The following CHD9 variants were observed in gnomAD, a reference collection of about 807,000 sequenced individuals.
CHD9 encodes chromodomain helicase DNA binding protein 9, also known as ATP-dependent chromatin remodeler CHD9.
A neutral mutation model predicts 316.1 loss-of-function variants in CHD9; 77 were observed. The observed-to-expected ratio is 0.24, with a 90% CI of 0.20 to 0.29. The LOEUF (loss-of-function observed/expected upper bound fraction) is 0.29. CHD9 is among the 10% of genes least tolerant of loss of function. The pLI is 1.00. For missense variants in CHD9, 2,763 were observed against 3,438.1 expected (o/e 0.80, Z 4.91); for synonymous variants, 1,129 against 1,158.3 (o/e 0.97, Z 0.51).
At chr16:53,188,510 G>A (rs1342225411) in intron 2 of CHD9, among the ~76,000 whole-genome samples, 1 of 147,924 alleles carries the variant, frequency 6.8e-6, no homozygotes, top group Non-Finnish European at 1.5e-5. Flanking sequence ...TAGCCATCTT[G>A]GTATAAAGTA....
Position 53,204,884 on chromosome 16 carries a change from CCCAGGCT to C in CHD9, c.1453-4597_1453-4591del, listed in dbSNP as rs1436428342. ...TTTGAGACAGAGTTTCGCTCTGTTG[CCCAGGCT>C]AGAGTACGGTGGCATGATCTCAGCT... On this transcript the variant is annotated intron_variant, in intron 2 of 38. Coordinates refer to ENST00000447540, the MANE Select transcript of CHD9 (RefSeq NM_001308319.2). Among the ~76,000 whole-genome samples the C allele has an allele frequency of 1.8e-3, 276 of 152,192 alleles. 2 individuals carry two copies. Among genetic ancestry groups the C allele is most frequent in the African/African-American group, 6.3e-3 (261 of 41,528 alleles).
chr16:53,110,273 G>A (rs997315295), intron 1 of CHD9, among the ~76,000 whole-genome samples: 1 of 152,094 alleles, frequency 6.6e-6, no homozygotes, highest in Non-Finnish European at 1.5e-5. Context: ...AGTTTCAAAC[G>A]ATGAGGTGAA....
chr16:53,277,037 C>T (rs2052910122), intron 24 of CHD9, among the ~76,000 whole-genome samples: 1 of 152,034 alleles, frequency 6.6e-6, no homozygotes, highest in Non-Finnish European at 1.5e-5. Context: ...AAAGATACAA[C>T]CATCCTAGCT....
intron 2 of CHD9, among the ~76,000 whole-genome samples, chr16:53,175,842 TCTA>T (rs138313139): frequency 2.1e-3 from 327 of 152,320 alleles, no homozygotes; most frequent in African/African-American, 7.5e-3. Flanking sequence ...GATCTTATCA[TCTA>T]CTGTTTTTAC....
At chr16:53,288,262 T>C (rs1157967184) in intron 27 of CHD9, among the ~76,000 whole-genome samples, 1 of 152,212 alleles carries the variant, frequency 6.6e-6, no homozygotes, top group Non-Finnish European at 1.5e-5. Flanking sequence ...CTTGCCCACC[T>C]GCTCTACTTC....
intron 1 of CHD9, among the ~76,000 whole-genome samples, chr16:53,091,873 C>T (rs1040066373): frequency 2.6e-5 from 4 of 152,096 alleles, no homozygotes; most frequent in African/African-American, 9.7e-5. Flanking sequence ...TTCAGACCTC[C>T]TTTCCTTCTT....
chr16:53,242,693 A>G lies in CHD9; in HGVS notation c.2878-147A>G, dbSNP rs539147692. The stretch of plus-strand genomic sequence containing the variant: ...GGCAATATAATACAGTTTCAATGAT[A>G]AAAGTTTTCATTGTAAGGGAGTGTC... On this transcript the variant is annotated intron_variant, in intron 12 of 38. Coordinates refer to ENST00000447540, the MANE Select transcript of CHD9 (RefSeq NM_001308319.2). The G allele has an allele frequency of 1.8e-4, 119 of 650,224 alleles. 1 individual carries two copies. In the South Asian group the frequency reaches 2.4e-3, roughly 13 times the overall value. The allele number at this position is 650,224 out of a possible 1,614,324, so 40.3% of individuals were successfully genotyped here.
intron 2 of CHD9, among the ~76,000 whole-genome samples, chr16:53,191,663 A>G (rs981890014): frequency 1.3e-5 from 2 of 152,154 alleles, no homozygotes; most frequent in African/African-American, 4.8e-5. Context: ...CAATTTACTC[A>G]TATGCCTCTT....
chr16:53,239,255 A>T (rs1270791299), intron 12 of CHD9, among the ~76,000 whole-genome samples: 1 of 151,980 alleles, frequency 6.6e-6, no homozygotes, highest in Non-Finnish European at 1.5e-5. Context: ...AAATAAAGAG[A>T]TGACACCTTA....
intron 1 of CHD9, among the ~76,000 whole-genome samples, chr16:53,055,341 C>T (rs2031931589): frequency 6.6e-6 from 1 of 152,232 alleles, no homozygotes. Context: ...AGCCGGGCGT[C>T]CTCGAAGCGG....
chr16:53,121,376 A>T (rs1240708648), intron 1 of CHD9: 1 of 456,082 alleles, frequency 2.2e-6, no homozygotes, highest in Admixed American at 2.3e-5. Flanking sequence ...ATGCTCGGGG[A>T]TATTTTATCA....
chr16:53,155,479 T>C (rs1321333455), intron 1 of CHD9, among the ~76,000 whole-genome samples: 1 of 152,184 alleles, frequency 6.6e-6, no homozygotes, highest in Non-Finnish European at 1.5e-5. Context: ...AACAGAAAAT[T>C]AGAAGTTTCA....
intron 1 of CHD9, among the ~76,000 whole-genome samples, chr16:53,129,330 C>A (rs955551399): frequency 6.6e-6 from 1 of 152,196 alleles, no homozygotes; most frequent in Admixed American, 6.5e-5. Context: ...AAAGCACTAT[C>A]CAAATAAGTG....
At chr16:53,060,840 C>G (rs553616879) in intron 1 of CHD9, among the ~76,000 whole-genome samples, 1 of 151,672 alleles carries the variant, frequency 6.6e-6, no homozygotes, top group African/African-American at 2.4e-5. Context: ...AGGATCACTT[C>G]AGACCAGGAG....
chr16:53,157,651 C>T, intron 2 of CHD9, 110 bp downstream of exon 2: 1 of 1,030,922 alleles, frequency 9.7e-7, no homozygotes. Context: ...TTGGTAATTC[C>T]ATTAAGTGAA....
At chr16:53,233,721 CACAA>C (rs2048378934) in intron 10 of CHD9, among the ~76,000 whole-genome samples, 1 of 152,074 alleles carries the variant, frequency 6.6e-6, no homozygotes, top group Admixed American at 6.6e-5. Flanking sequence ...AATATTGGCA[CACAA>C]ACAAGCAGCA....
At chr16:53,280,709 G>T (rs1356808254) in intron 24 of CHD9, among the ~76,000 whole-genome samples, 4 of 151,556 alleles carry the variant, frequency 2.6e-5, no homozygotes, top group Admixed American at 2.6e-4. Context: ...TTTGTCTAAG[G>T]TTACCCAGAT....
Position 53,324,090 on chromosome 16 carries a change from G to T in CHD9, c.7889G>T (p.Arg2630Leu). 4 of 1,613,890 alleles carry T rather than the reference G, an allele frequency of 2.5e-6. No individual in the cohort carries two copies. Among genetic ancestry groups the T allele is most frequent in the Non-Finnish European group, 1.7e-6 (2 of 1,179,812 alleles). The part of the protein sequence containing the change: ...GPVVREEVSR[R>L]GRRPKSGIAK... Reference sequence around the variant, plus strand: ...GTTGTGAGAGAGGAAGTAAGCAGGCGGGGGAGACGGCCTAAAAGTGGAATT... The same window carrying T: ...GTTGTGAGAGAGGAAGTAAGCAGGCTGGGGAGACGGCCTAAAAGTGGAATT... Residue 2630 changes from arginine to leucine, a missense_variant, in exon 39 of 39, where the codon CGG becomes CTG. By Grantham distance (102) the Arg-to-Leu change is moderately radical (BLOSUM62 -2). This residue lies in a region of CHD9 where 298 missense variants were observed against 380.2 expected (regional missense o/e 0.78). Transcript: ENST00000447540.
chr16:53,239,951 A>G (rs79841252), intron 12 of CHD9, among the ~76,000 whole-genome samples: 1 of 152,220 alleles, frequency 6.6e-6, no homozygotes. Flanking sequence ...AATTGTTTCA[A>G]CCTTGGAAGT....
Sources: gnomAD v4.1 joint callset for allele counts (sites outside exome capture counted in the v4.1 genomes callset) on GRCh38, gnomAD v4.1.1 for gene constraint, gnomAD v4.1.1 regional missense constraint, MANE v1.5 for transcripts, NCBI Gene and HGNC (gene_info 2026-07-23, HGNC 2026-07-21) for gene names.